Variants in ZNF385D observed in about 807,000 individuals in gnomAD.
ZNF385D encodes the protein zinc finger protein 385D.
Under a neutral mutation model 35.8 loss-of-function variants are expected in ZNF385D, and 15 were observed. That is an observed-to-expected ratio of 0.42 (90% CI 0.28 to 0.64). ZNF385D has a LOEUF of 0.64. Among genes scored for constraint, ZNF385D ranks in the 30% least tolerant of loss-of-function variants. The pLI, the probability that ZNF385D is intolerant of heterozygous loss-of-function variation, is 0.23. For synonymous variants in ZNF385D, 212 were observed against 186.8 expected, an observed-to-expected ratio of 1.13 and a Z score of -1.10; for missense variants, 474 against 494.6, an observed-to-expected ratio of 0.96 and a Z score of 0.39.
At chr3:22,096,726 G>A (rs148689363) in intron 3 of ZNF385D, among the ~76,000 whole-genome samples, 4 of 152,116 alleles carry the variant, frequency 2.6e-5, no homozygotes, top group African/African-American at 9.6e-5. Context: ...TCCCCACGCT[G>A]TTCTATGTGT....
chr3:22,175,145 T>A (rs1056063416), intron 2 of ZNF385D, among the ~76,000 whole-genome samples: 2 of 151,966 alleles, frequency 1.3e-5, no homozygotes, highest in Non-Finnish European at 2.9e-5. Context: ...GAGTTTATAA[T>A]TCTTATACAA....
intron 3 of ZNF385D, among the ~76,000 whole-genome samples, chr3:21,973,043 G>A (rs1210605159): frequency 6.6e-6 from 1 of 151,650 alleles, no homozygotes; most frequent in Non-Finnish European, 1.5e-5. Context: ...AAGGGGAGAG[G>A]GAATACTTCC....
chr3:21,586,908 G>C (rs1457800313), intron 2 of ZNF385D, among the ~76,000 whole-genome samples: 1 of 152,146 alleles, frequency 6.6e-6, no homozygotes, highest in Non-Finnish European at 1.5e-5. Flanking sequence ...GAAAGGGGTT[G>C]TTTACTCAGT....
intron 2 of ZNF385D, among the ~76,000 whole-genome samples, chr3:21,575,597 C>T (rs2063474191): frequency 6.6e-6 from 1 of 152,156 alleles, no homozygotes; most frequent in Admixed American, 6.5e-5. Flanking sequence ...TTTAGTCCAT[C>T]ATCCCCTGGC....
chr3:22,040,353 C>T (rs528738740), intron 3 of ZNF385D, among the ~76,000 whole-genome samples: 53 of 152,220 alleles, frequency 3.5e-4, no homozygotes, highest in Middle Eastern at 3.4e-3. Context: ...GTTATTACGT[C>T]ATTTTATAGA....
intron 3 of ZNF385D, among the ~76,000 whole-genome samples, chr3:21,857,622 G>T (rs1014176224): frequency 6.6e-6 from 1 of 151,892 alleles, no homozygotes; most frequent in Non-Finnish European, 1.5e-5. Context: ...TGGAGGAGGA[G>T]TTGCAGCCTC....
At chr3:21,678,079 G>A (rs1380612934) in intron 1 of ZNF385D, among the ~76,000 whole-genome samples, 4 of 151,914 alleles carry the variant, frequency 2.6e-5, no homozygotes, top group Non-Finnish European at 5.9e-5. Flanking sequence ...GTTAATCACA[G>A]TTTGCTATCC....
intron 2 of ZNF385D, among the ~76,000 whole-genome samples, chr3:22,215,355 A>T (rs371128854): frequency 6.6e-6 from 1 of 152,150 alleles, no homozygotes; most frequent in East Asian, 1.9e-4. Flanking sequence ...TCAAAAGCAA[A>T]TAGGAGAAAT....
At chr3:21,767,524 C>G (rs558029853) in intron 3 of ZNF385D, among the ~76,000 whole-genome samples, 1 of 152,126 alleles carries the variant, frequency 6.6e-6, no homozygotes, top group Admixed American at 6.6e-5. Flanking sequence ...CCTTTCTAGA[C>G]TAAGACTCCT....
chr3:21,560,794 C>T (rs558248932), intron 3 of ZNF385D, among the ~76,000 whole-genome samples: 1 of 152,298 alleles, frequency 6.6e-6, no homozygotes, highest in South Asian at 2.1e-4. Flanking sequence ...GGGGTATTAT[C>T]TATAAGCCCC....
At chr3:21,929,344 C>T (rs1681110852) in intron 3 of ZNF385D, among the ~76,000 whole-genome samples, 1 of 151,972 alleles carries the variant, frequency 6.6e-6, no homozygotes. Context: ...CTATAAAAAA[C>T]CTATTGCCAA....
At chr3:22,371,967 A>T (rs554671225) in intron 2 of ZNF385D, among the ~76,000 whole-genome samples, 1 of 152,142 alleles carries the variant, frequency 6.6e-6, no homozygotes, top group Non-Finnish European at 1.5e-5. Context: ...GGAAGCAGGA[A>T]GCTGTCCCGC....
chr3:21,877,101 T>A lies in ZNF385D; in HGVS notation c.326-212073A>T, dbSNP rs140941943. ...TACCATGGGATCAGGTTTATTCGCC[T>A]GCCCTAAGTGACCTGTACAGGAAAA... On this transcript the variant is annotated intron_variant, in intron 3 of 5. Coordinates refer to the ZNF385D transcript ENST00000494108. Among the ~76,000 whole-genome samples, 24 of 152,186 alleles carry A rather than the reference T, an allele frequency of 1.6e-4. No individual in the cohort carries two copies. The East Asian group carries it at 4.1e-3, about 26-fold the overall frequency.
intron 3 of ZNF385D, among the ~76,000 whole-genome samples, chr3:21,777,385 G>A (rs2071329978): frequency 6.6e-6 from 1 of 151,868 alleles, no homozygotes; most frequent in Non-Finnish European, 1.5e-5. Flanking sequence ...TACCGAGGTT[G>A]GGGCAGGATG....
At chr3:22,303,496 T>A (rs1342003177) in intron 2 of ZNF385D, among the ~76,000 whole-genome samples, 1 of 152,128 alleles carries the variant, frequency 6.6e-6, no homozygotes, top group Non-Finnish European at 1.5e-5. Context: ...TCTTTTTAGT[T>A]TATGAGGATT....
At chr3:21,612,164 C>A (rs927688102) in intron 2 of ZNF385D, among the ~76,000 whole-genome samples, 1 of 152,090 alleles carries the variant, frequency 6.6e-6, no homozygotes, top group East Asian at 1.9e-4. Context: ...GTGCAACCTC[C>A]GCCTCCCAGG....
chr3:22,045,325 TATAAC>T (rs1324434894), intron 3 of ZNF385D, among the ~76,000 whole-genome samples: 1 of 152,008 alleles, frequency 6.6e-6, no homozygotes, highest in Non-Finnish European at 1.5e-5. Context: ...ATATAATAAA[TATAAC>T]ATAATAAAAG....
At chr3:21,477,059 C>A (rs1704295522) in intron 4 of ZNF385D, among the ~76,000 whole-genome samples, 1 of 152,108 alleles carries the variant, frequency 6.6e-6, no homozygotes, top group Non-Finnish European at 1.5e-5. Context: ...CTTTCTTGTG[C>A]CTAATACACT....
chr3:21,878,485 A>G (rs1239455615), intron 3 of ZNF385D, among the ~76,000 whole-genome samples: 1 of 151,994 alleles, frequency 6.6e-6, no homozygotes, highest in Non-Finnish European at 1.5e-5. Context: ...AAAGTGTATC[A>G]TACGTTGAAA....
Sources: gnomAD v4.1 joint callset for allele counts (sites outside exome capture counted in the v4.1 genomes callset) on GRCh38, gnomAD v4.1.1 for gene constraint, MANE v1.5 for transcripts, NCBI Gene and HGNC (gene_info 2026-07-23, HGNC 2026-07-21) for gene names.